The following RASAL2 variants were observed in gnomAD, a reference collection of about 807,000 sequenced individuals.
The protein encoded by RASAL2 is ras GTPase-activating protein nGAP.
A neutral mutation model predicts 128.9 loss-of-function variants in RASAL2; 58 were observed. That is an observed-to-expected ratio of 0.45 (90% CI 0.36 to 0.56). RASAL2 has a LOEUF of 0.56. Ranked by LOEUF, RASAL2 falls within the 20% of genes least tolerant of loss-of-function variation. The pLI, the probability that RASAL2 is intolerant of heterozygous loss-of-function variation, is 0.00. For synonymous variants in RASAL2, 561 were observed against 580.8 expected (o/e 0.97, Z 0.49); for missense variants, 1,360 against 1,601.6 (o/e 0.85, Z 2.57).
chr1:178,442,979 T>C lies in RASAL2; in HGVS notation c.1232T>C (p.Val411Ala). The C allele has an allele frequency of 6.2e-7, 1 of 1,614,024 alleles. No homozygotes were observed. The highest frequency in any genetic ancestry group is 8.5e-7 in the Non-Finnish European group (1 of 1,179,964). The change falls in exon 8 of 18, where the codon GTA (valine) becomes GCA (alanine). Residue 411 changes from valine to alanine, a missense_variant. Val to Ala is a moderately conservative substitution (Grantham distance 64). Transcript: ENST00000367649. ...PTASVTGRQF[V>A]EKWYPVSTPT... ...GCCAGTGTGACTGGTCGCCAATTTG[T>C]AGAAAAGTGGTATCCAGTGAGTACA...
chr1:178,411,774 T>C, intron 4 of RASAL2: 1 of 785,950 alleles, frequency 1.3e-6, no homozygotes, highest in Non-Finnish European at 2.4e-6. Context: ...CCTCGCCATG[T>C]GCTGCTTTTT....
At chr1:178,454,232 C>T (rs966956216) in intron 11 of RASAL2, among the ~76,000 whole-genome samples, 8 of 150,044 alleles carry the variant, frequency 5.3e-5, no homozygotes, top group Non-Finnish European at 7.4e-5. Flanking sequence ...TTGGCTTTAC[C>T]CTTTAGAGAG....
chr1:178,387,930 G>T (rs1269523717), intron 3 of RASAL2, among the ~76,000 whole-genome samples: 2 of 152,154 alleles, frequency 1.3e-5, no homozygotes, highest in African/African-American at 4.8e-5. Context: ...AACTAAAATT[G>T]GATGTATGGA....
At chr1:178,145,733 A>G (rs1005445284) in intron 1 of RASAL2, among the ~76,000 whole-genome samples, 1 of 152,222 alleles carries the variant, frequency 6.6e-6, no homozygotes, top group African/African-American at 2.4e-5. Flanking sequence ...TGGCATGGCC[A>G]GTTGACTTTA....
At chr1:178,385,233 A>G (rs1672496006) in intron 3 of RASAL2, among the ~76,000 whole-genome samples, 1 of 152,206 alleles carries the variant, frequency 6.6e-6, no homozygotes, top group Admixed American at 6.5e-5. Flanking sequence ...CGAGTGGATC[A>G]TTTGAGCCCA....
At chr1:178,306,457 C>T (rs1385607473) in intron 3 of RASAL2, among the ~76,000 whole-genome samples, 2 of 152,090 alleles carry the variant, frequency 1.3e-5, no homozygotes, top group Non-Finnish European at 2.9e-5. Context: ...GTTCTAGATC[C>T]CTGAGGAATA....
intron 1 of RASAL2, among the ~76,000 whole-genome samples, chr1:178,172,838 A>G (rs1348226369): frequency 4.6e-5 from 7 of 152,106 alleles, no homozygotes; most frequent in Admixed American, 2.6e-4. Flanking sequence ...TAGTGTTGTC[A>G]TTGGTGACAT....
chr1:178,349,893 G>A (rs1350140086), intron 3 of RASAL2, among the ~76,000 whole-genome samples: 1 of 152,124 alleles, frequency 6.6e-6, no homozygotes, highest in Non-Finnish European at 1.5e-5. Context: ...TACAACAAAT[G>A]GAAGACGCCT....
chr1:178,266,677 A>G (rs1030045957), intron 1 of RASAL2, among the ~76,000 whole-genome samples: 2 of 152,204 alleles, frequency 1.3e-5, no homozygotes, highest in African/African-American at 4.8e-5. Context: ...AGCTGAGAGG[A>G]GACCTCAAGT....
intron 3 of RASAL2, among the ~76,000 whole-genome samples, chr1:178,320,453 G>C (rs1410419884): frequency 1.3e-5 from 2 of 152,212 alleles, no homozygotes; most frequent in African/African-American, 4.8e-5. Flanking sequence ...AGACTCCGTG[G>C]GCGTAGGACC....
At chr1:178,143,070 G>A (rs569398062) in intron 1 of RASAL2, among the ~76,000 whole-genome samples, 1 of 151,828 alleles carries the variant, frequency 6.6e-6, no homozygotes, top group Non-Finnish European at 1.5e-5. Flanking sequence ...ACTGGAGACC[G>A]CATTTCAACA....
At chr1:178,140,972 G>A (rs1660502225) in intron 1 of RASAL2, among the ~76,000 whole-genome samples, 1 of 152,210 alleles carries the variant, frequency 6.6e-6, no homozygotes, top group African/African-American at 2.4e-5. Context: ...GCGGAAGGCA[G>A]AAGGGCAGCA....
At chr1:178,202,524 G>A (rs1662907441) in intron 1 of RASAL2, among the ~76,000 whole-genome samples, 1 of 152,234 alleles carries the variant, frequency 6.6e-6, no homozygotes, top group Admixed American at 6.5e-5. Context: ...ACTTCAAGCA[G>A]TGCACCTGGG....
chr1:178,259,906 A>G (rs957909458), intron 1 of RASAL2, among the ~76,000 whole-genome samples: 7 of 152,082 alleles, frequency 4.6e-5, no homozygotes, highest in African/African-American at 1.7e-4. Context: ...TAATCATTGT[A>G]TTTAGACTTC....
chr1:178,412,986 TTCTTTCTTTCTCTTTCTTTCTTTCTTTTC>T (rs1557969432), intron 4 of RASAL2, among the ~76,000 whole-genome samples: 1 of 151,992 alleles, frequency 6.6e-6, no homozygotes, highest in African/African-American at 2.4e-5. Flanking sequence ...TTCTTTCTTT[TTCTTTCTTTCTCTTTCTTTCTTTCTTTTC>T]TCTTTCTTTC....
At chr1:178,371,420 G>A (rs1190851865) in intron 3 of RASAL2, among the ~76,000 whole-genome samples, 1 of 150,530 alleles carries the variant, frequency 6.6e-6, no homozygotes, top group East Asian at 2.0e-4. Context: ...TTGACTAGAA[G>A]CCCAGAATTG....
At chr1:178,410,938 C>A (rs78350678) in intron 4 of RASAL2, among the ~76,000 whole-genome samples, 5,819 of 152,184 alleles carry the variant, frequency 0.038, 362 homozygotes, top group African/African-American at 0.13. Flanking sequence ...TAAACTAGTA[C>A]AACCACTATG....
Position 178,412,074 on chromosome 1 carries a change from A to AAG in RASAL2, c.565-8437_565-8436insAG. The AAG allele has an allele frequency of 8.6e-6, 3 of 349,254 alleles. No individual in the cohort carries two copies. The East Asian group carries it at 2.0e-4, about 23-fold the overall frequency. 21.6% of individuals were successfully genotyped at this position (349,254 alleles called of 1,614,324 possible). On this transcript the variant is annotated intron_variant, in intron 4 of 17. Coordinates refer to ENST00000367649, the MANE Select transcript of RASAL2 (RefSeq NM_170692.4). ...TTGCCATCATGTGAAAAAAAAAAAA[A>AAG]GAGTAGGTGGCTGAAGGGGAGGATA...
chr1:178,110,373 A>G (rs969951622), intron 1 of RASAL2, among the ~76,000 whole-genome samples: 1 of 151,790 alleles, frequency 6.6e-6, no homozygotes, highest in African/African-American at 2.4e-5. Context: ...ATGGCATTCT[A>G]TTTGCATATA....
Sources: allele counts gnomAD v4.1 joint callset (sites outside exome capture counted in the v4.1 genomes callset), GRCh38; gene constraint gnomAD v4.1.1; transcripts MANE v1.5; gene names NCBI Gene and HGNC (gene_info 2026-07-23, HGNC 2026-07-21).